Variants in STRN3 observed in about 807,000 individuals in gnomAD.
STRN3 encodes the protein striatin 3.
In STRN3, 29 loss-of-function variants were observed where a neutral mutation model predicts 95.6. That is an observed-to-expected ratio of 0.30 (90% CI 0.23 to 0.41). The LOEUF (loss-of-function observed/expected upper bound fraction) is 0.41. Ranked by LOEUF, STRN3 falls within the 10% of genes least tolerant of loss-of-function variation. The pLI is 1.00. For synonymous variants in STRN3, 331 were observed against 357.6 expected (o/e 0.93, Z 0.84); for missense variants, 890 against 972.1 (o/e 0.92, Z 1.12).
chr14:31,009,719 G>C (rs996477829), intron 1 of STRN3, among the ~76,000 whole-genome samples: 1 of 151,126 alleles, frequency 6.6e-6, no homozygotes, highest in Admixed American at 6.6e-5. Flanking sequence ...AATAGAAGTG[G>C]CTAAACATAA....
chr14:30,966,251 C>T (rs1324128269), intron 1 of STRN3, among the ~76,000 whole-genome samples: 3 of 152,242 alleles, frequency 2.0e-5, no homozygotes, highest in Admixed American at 6.5e-5. Flanking sequence ...CTTCCCCTCC[C>T]TTGTCCAAGT....
intron 8 of STRN3, among the ~76,000 whole-genome samples, chr14:30,922,998 T>C (rs1270342842): frequency 1.3e-5 from 2 of 152,196 alleles, no homozygotes; most frequent in Non-Finnish European, 2.9e-5. Context: ...TAAAACCACA[T>C]GCCTAGTTGA....
chr14:30,935,791 C>T (rs962606623), intron 6 of STRN3, among the ~76,000 whole-genome samples: 1 of 152,144 alleles, frequency 6.6e-6, no homozygotes, highest in African/African-American at 2.4e-5. Context: ...AAATAGACTA[C>T]GTTATACATA....
intron 12 of STRN3, 133 bp from the exon 13 acceptor site, chr14:30,911,295 CTTTTT>C (rs11297035): frequency 3.6e-3 from 1,634 of 451,486 alleles, no homozygotes; most frequent in South Asian, 7.2e-3. Context: ...CTGACTGGTA[CTTTTT>C]TTTTTTTTTT....
Position 30,935,198 on chromosome 14 carries a change from C to A in STRN3, c.953G>T (p.Gly318Val). Residue 318 changes from glycine (G) to valine (V), a missense_variant, in exon 7 of 18, where the codon GGA (glycine) becomes GTA (valine). Around this residue, in one of 3 missense-constraint regions of STRN3, gnomAD observed 526 missense variants for 526.3 expected, o/e 1.00. Transcript: ENST00000357479. Reference protein sequence around the residue: ...LVTAEDGEGAGEARSSGDGTE... With the variant: ...LVTAEDGEGAVEARSSGDGTE... ...GCCATCCCCCGAACTCCGTGCTTCT[C>A]CAGCTCCTTCACCATCTTCAGCAGT... 1 of 1,614,112 alleles carries A rather than the reference C, an allele frequency of 6.2e-7. No homozygotes were observed. The highest frequency in any genetic ancestry group is 8.5e-7 in the Non-Finnish European group (1 of 1,179,990).
chr14:30,914,631 C>T (rs984768277), intron 9 of STRN3, among the ~76,000 whole-genome samples: 6 of 152,264 alleles, frequency 3.9e-5, no homozygotes, highest in East Asian at 1.9e-4. Flanking sequence ...GGATTACAGG[C>T]GTGAGCCACC....
chr14:30,916,874 G>A (rs569784526), intron 9 of STRN3, among the ~76,000 whole-genome samples: 1 of 152,194 alleles, frequency 6.6e-6, no homozygotes, highest in Non-Finnish European at 1.5e-5. Context: ...CACTTATGAT[G>A]AAGGAAACCT....
chr14:31,012,746 G>T (rs569243875), intron 1 of STRN3, among the ~76,000 whole-genome samples: 9 of 152,078 alleles, frequency 5.9e-5, no homozygotes, highest in East Asian at 1.9e-4. Flanking sequence ...ACAAAAAAAT[G>T]AGATGGGTGT....
intron 1 of STRN3, among the ~76,000 whole-genome samples, chr14:30,971,790 T>C (rs779014548): frequency 6.6e-6 from 1 of 152,088 alleles, no homozygotes; most frequent in Non-Finnish European, 1.5e-5. Flanking sequence ...GTTCGGTAAA[T>C]GGAAAGGAAT....
chr14:30,995,897 C>G (rs1322013556), intron 1 of STRN3, among the ~76,000 whole-genome samples: 8 of 152,286 alleles, frequency 5.3e-5, no homozygotes, highest in South Asian at 4.1e-4. Flanking sequence ...CCTCGGCTGT[C>G]AATCCTCTTT....
intron 1 of STRN3, among the ~76,000 whole-genome samples, chr14:30,982,182 A>C (rs1034663760): frequency 6.6e-5 from 10 of 151,984 alleles, no homozygotes; most frequent in African/African-American, 1.4e-4. Flanking sequence ...AATAAAACTT[A>C]TCTCTTCTAC....
intron 3 of STRN3, among the ~76,000 whole-genome samples, chr14:30,954,490 T>C (rs1055608022): frequency 6.6e-6 from 1 of 152,200 alleles, no homozygotes; most frequent in Non-Finnish European, 1.5e-5. Context: ...AATTTTACAA[T>C]ATTTTGTTCA....
chr14:30,924,766 C>A (rs564278909), intron 8 of STRN3, among the ~76,000 whole-genome samples: 7 of 152,256 alleles, frequency 4.6e-5, no homozygotes, highest in African/African-American at 1.7e-4. Flanking sequence ...GGAAAGATTG[C>A]TTGAGCTCAG....
chr14:30,981,502 T>C (rs547673623), intron 1 of STRN3, among the ~76,000 whole-genome samples: 68 of 150,818 alleles, frequency 4.5e-4, no homozygotes, highest in African/African-American at 1.5e-3. Context: ...AAGCAAAAAA[T>C]ACAAAATAAA....
intron 1 of STRN3, among the ~76,000 whole-genome samples, chr14:31,000,534 A>G (rs185083842): frequency 2.4e-4 from 36 of 151,712 alleles, no homozygotes; most frequent in Admixed American, 6.6e-4. Context: ...AAAAAAAGCA[A>G]GATTTTAAAT....
rs1359835504 is a variant in STRN3 at position 30,894,887 on chromosome 14, CTT to C, written c.*522_*523del. On this transcript the variant is annotated 3_prime_UTR_variant, in exon 18 of 18. Transcript: ENST00000357479. ...GCTAAAATATTTTAAGTTAAATTTTCTTTTTCTTTTTTTTTTTTTTTAAAGCA... is the reference window on the plus strand; with the variant it reads ...GCTAAAATATTTTAAGTTAAATTTTCTTTCTTTTTTTTTTTTTTTAAAGCA... 2.6e-6 allele frequency: 2 copies of C among 765,416 alleles called. No individual in the cohort carries two copies. The highest frequency in any genetic ancestry group is 2.2e-5 in the South Asian group (1 of 46,248). 47.4% of individuals were successfully genotyped at this position (765,416 alleles called of 1,614,324 possible). A position where few individuals can be genotyped will look rare whatever the true frequency, so the allele number is the denominator to read the frequency against.
At chr14:31,003,343 A>G (rs1342239586) in intron 1 of STRN3, among the ~76,000 whole-genome samples, 1 of 150,856 alleles carries the variant, frequency 6.6e-6, no homozygotes, top group Non-Finnish European at 1.5e-5. Context: ...TACAATTTAA[A>G]AATTGGAAAA....
intron 1 of STRN3, among the ~76,000 whole-genome samples, chr14:30,991,438 C>T (rs940678686): frequency 6.6e-6 from 1 of 152,138 alleles, no homozygotes; most frequent in African/African-American, 2.4e-5. Context: ...ATAGGACAGG[C>T]ATCTGTAATG....
intron 14 of STRN3, among the ~76,000 whole-genome samples, 197 bp downstream of exon 14, chr14:30,906,680 G>C (rs1483349783): frequency 6.6e-6 from 1 of 151,834 alleles, no homozygotes; most frequent in African/African-American, 2.4e-5. Flanking sequence ...ATACAAAAAA[G>C]GTAAAAAAGC....
Sources: gnomAD v4.1 joint callset for allele counts (sites outside exome capture counted in the v4.1 genomes callset) on GRCh38, gnomAD v4.1.1 for gene constraint, gnomAD v4.1.1 regional missense constraint, MANE v1.5 for transcripts, NCBI Gene and HGNC (gene_info 2026-07-23, HGNC 2026-07-21) for gene names.